HDAC7: variants seen among roughly 807,000 people sequenced by gnomAD.
HDAC7 encodes the protein histone deacetylase 7, also known as histone deacetylase 7A.
Under a neutral mutation model 115.5 loss-of-function variants are expected in HDAC7, and 26 were observed. The ratio of observed to expected loss-of-function variants is 0.23; its 90% CI spans 0.16 to 0.31. The LOEUF (loss-of-function observed/expected upper bound fraction) is 0.31, where lower values mean the gene tolerates loss of function less well. Ranked by LOEUF, HDAC7 falls within the 10% of genes least tolerant of loss-of-function variation. The probability of loss-of-function intolerance (pLI) is 1.00; values close to 1 mark genes in which losing one functional copy is unlikely to be tolerated. For synonymous variants in HDAC7, 564 were observed against 550.9 expected, an observed-to-expected ratio of 1.02 and a Z score of -0.33; for missense variants, 1,068 against 1,329.0, an observed-to-expected ratio of 0.80 and a Z score of 3.05.
Position 47,785,891 on chromosome 12 carries a change from G to A in HDAC7, c.2573-6C>T. 6.3e-7 allele frequency: 1 copy of A among 1,584,160 alleles called. No individual in the cohort carries two copies. The highest frequency in any genetic ancestry group is 8.6e-7 in the Non-Finnish European group (1 of 1,161,084). On this transcript the variant is annotated splice_region_variant and splice_polypyrimidine_tract_variant and intron_variant, in intron 22 of 25. Transcript: ENST00000080059. ...CTGCGTCATGTATCCAAAACCTAGA[G>A]GTTGGGAGGGGAGAAATGGGAGGGG...
In HDAC7 at chr12:47,798,797, C is replaced by A; in HGVS notation, c.246G>T (p.Val82=). Residue 82 remains valine, a synonymous_variant, in exon 3 of 26, where the codon GTG becomes GTT. Coordinates refer to ENST00000080059, the MANE Select transcript of HDAC7 (RefSeq NM_015401.5). The surrounding 1 kb of genome is among the most constrained non-coding windows in gnomAD (Gnocchi z 4.3). ...GCTCCATCTTTACCCTCATGGGCTC[C>A]ACCGAGCGCTGCTGCTGCAGGCCTG... The part of the protein sequence containing the change: ...FLAGLQQQRS[V]EPMRLSMDTP... 6.4e-7 allele frequency: 1 copy of A among 1,556,820 alleles called. No individual in the cohort carries two copies.
At chr12:47,811,217 G>A (rs563879948) in intron 1 of HDAC7, among the ~76,000 whole-genome samples, 2 of 152,336 alleles carry the variant, frequency 1.3e-5, no homozygotes, top group Non-Finnish European at 2.9e-5. Context: ...TTGGAAGACA[G>A]CAGAAGTCTA....
At chr12:47,820,161 C>T (rs1047672749), upstream of HDAC7, among the ~76,000 whole-genome samples, 7 of 151,328 alleles carry the variant, frequency 4.6e-5, no homozygotes, top group South Asian at 4.1e-4. This position sits in a 1 kb window ranked among gnomAD's most constrained non-coding sequence, Gnocchi z 4.3. Context: ...CCCGGAACGC[C>T]GGCCGCGGCT....
In HDAC7 at chr12:47,793,349, C is replaced by A; in HGVS notation, c.1678+20G>T. The A allele has an allele frequency of 1.4e-6, 2 of 1,467,624 alleles. No individual in the cohort carries two copies. Among genetic ancestry groups the A allele is most frequent in the South Asian group, 2.6e-5 (2 of 76,672 alleles). The allele number at this position is 1,467,624 out of a possible 1,614,324, so 90.9% of individuals were successfully genotyped here. On this transcript the variant is annotated intron_variant, in intron 13 of 25. Transcript: ENST00000080059. This position sits in a 1 kb window ranked among gnomAD's most constrained non-coding sequence, Gnocchi z 4.5. The stretch of plus-strand genomic sequence containing the variant: ...CAGCCGAGCCCCTCCCTCCACCCGC[C>A]ACCCTCCTCCCGGTCTCACCTGTGG...
At chr12:47,786,049 C>T (rs1943158618) in intron 22 of HDAC7, 164 bp from the exon 23 acceptor site, 1 of 729,730 alleles carries the variant, frequency 1.4e-6, no homozygotes. Context: ...ACAAAACCTA[C>T]TAGTATGCTT....
chr12:47,791,634 C>T lies in HDAC7; in HGVS notation c.1885G>A (p.Gly629Ser), dbSNP rs751351878. ...VHSERHVLLY[G>S]TNPLSRLKLD... ...TTGAGGCGGCTGAGCGGGTTGGTGC[C>T]GTAGAGGAGCACGTGCCGCTCAGAG... Residue 629 changes from glycine to serine, a missense_variant, in exon 15 of 26, where the codon GGC becomes AGC. Physicochemically the swap from Gly to Ser is moderately conservative, Grantham distance 56. Transcript: ENST00000080059. 25 of 1,612,008 alleles carry T rather than the reference C, an allele frequency of 1.6e-5. No homozygotes were observed. Among genetic ancestry groups the T allele is most frequent in the East Asian group, 4.5e-5 (2 of 44,832 alleles).
rs141216829 is a variant in HDAC7 at position 47,793,939 on chromosome 12, T to C, written c.1459-351A>G. 1.8e-4 allele frequency among the ~76,000 whole-genome samples: 27 copies of C among 152,332 alleles called. No homozygotes were observed. In the East Asian group the frequency reaches 4.2e-3, roughly 24 times the overall value. On this transcript the variant is annotated intron_variant, in intron 12 of 25. Transcript: ENST00000080059. This position sits in a 1 kb window ranked among gnomAD's most constrained non-coding sequence, Gnocchi z 4.5. ...AGAACATGTGTGTGGCCTGTCATCA[T>C]GTGTTATGGAGTAAATTATGTTCCC...
rs999265343 is a variant in HDAC7 at position 47,789,270 on chromosome 12, A to G, written c.2226T>C (p.Ile742=). The part of the protein sequence containing the change: ...QQQSKASKIL[I]VDWDVHHGNG... ...ACGGACAGGCACCTACCCAGTCTAC[A>G]ATGAGGATCTTGCTGGCCTTGCTCT... Residue 742 remains isoleucine, a synonymous_variant, in exon 19 of 26, where the codon ATT becomes ATC. Transcript: ENST00000080059. The G allele has an allele frequency of 6.2e-7, 1 of 1,613,870 alleles. No homozygotes were observed. The highest frequency in any genetic ancestry group is 2.2e-5 in the East Asian group (1 of 44,878).
intron 1 of HDAC7, among the ~76,000 whole-genome samples, chr12:47,805,279 G>C (rs535281031): frequency 5.4e-4 from 81 of 150,732 alleles, no homozygotes; most frequent in African/African-American, 1.9e-3. Context: ...TTGTAGAGAC[G>C]AAGTCTTCCC....
In HDAC7 at chr12:47,803,397, TC is replaced by T. The variant is rs1173705901; in HGVS notation, c.20-1124del. Among the ~76,000 whole-genome samples, 2 of 152,092 alleles carry T rather than the reference TC, an allele frequency of 1.3e-5. No individual in the cohort carries two copies. The highest frequency in any genetic ancestry group is 2.9e-5 in the Non-Finnish European group (2 of 68,018). ...TCTTCAGAGCCGAGAAATGAGAACTTCCTGCAGGCAGGCGCTGCTGGGGGAG... is the reference window on the plus strand; with the variant it reads ...TCTTCAGAGCCGAGAAATGAGAACTTCTGCAGGCAGGCGCTGCTGGGGGAG... On this transcript the variant is annotated intron_variant, in intron 1 of 25. Coordinates refer to ENST00000080059, the MANE Select transcript of HDAC7 (RefSeq NM_015401.5). The surrounding 1 kb of genome is among the most constrained non-coding windows in gnomAD (Gnocchi z 4.0).
chr12:47,796,870 C>G (rs1943878499), intron 7 of HDAC7, 147 bp downstream of exon 7: 1 of 849,822 alleles, frequency 1.2e-6, no homozygotes, highest in Non-Finnish European at 1.7e-6. Context: ...CCCAACTCCC[C>G]CGCTTCGGCA....
intron 25 of HDAC7, 84 bp from the exon 26 acceptor site, chr12:47,783,970 G>C: frequency 6.2e-7 from 1 of 1,605,250 alleles, no homozygotes; most frequent in East Asian, 2.2e-5. Flanking sequence ...ACCCTGGTCA[G>C]GAAGCCTGGG....
In HDAC7 at chr12:47,793,343, A is replaced by AC; in HGVS notation, c.1678+25dup. 4 of 693,382 alleles carry AC rather than the reference A, an allele frequency of 5.8e-6. No individual in the cohort carries two copies. Among genetic ancestry groups the AC allele is most frequent in the Non-Finnish European group, 8.9e-6 (4 of 448,744 alleles). The allele number at this position is 693,382 out of a possible 1,614,324, so 43.0% of individuals were successfully genotyped here. A position where few individuals can be genotyped will look rare whatever the true frequency, so the allele number is the denominator to read the frequency against. On this transcript the variant is annotated intron_variant, in intron 13 of 25. Coordinates refer to ENST00000080059, the MANE Select transcript of HDAC7 (RefSeq NM_015401.5). This position sits in a 1 kb window ranked among gnomAD's most constrained non-coding sequence, Gnocchi z 4.5. ...CTCGTGCAGCCGAGCCCCTCCCTCC[A>AC]CCCGCCACCCTCCTCCCGGTCTCAC... is the stretch of plus-strand genomic sequence containing the variant.
In HDAC7 at chr12:47,793,496, G is replaced by C; in HGVS notation, c.1551C>G (p.His517Gln). Residue 517 changes from histidine (H) to glutamine (Q), a missense_variant, in exon 13 of 26, where the codon CAC becomes CAG. Physicochemically the swap from His to Gln is conservative, Grantham distance 24. Around this residue, in one of 6 missense-constraint regions of HDAC7, gnomAD observed 618 missense variants for 701.5 expected, o/e 0.88. Coordinates refer to ENST00000080059, the MANE Select transcript of HDAC7 (RefSeq NM_015401.5). The surrounding 1 kb of genome is among the most constrained non-coding windows in gnomAD (Gnocchi z 4.5). ...TVLLPLAQGG[H>Q]RPLSRAQSSP... The stretch of plus-strand genomic sequence containing the variant: ...AAGACTGAGCCCGGGACAGAGGCCG[G>C]TGCCCACCCTGGGCCAGAGGAAGCA... 1 of 1,549,956 alleles carries C rather than the reference G, an allele frequency of 6.5e-7. No individual in the cohort carries two copies. The highest frequency in any genetic ancestry group is 8.7e-7 in the Non-Finnish European group (1 of 1,147,362).
At chr12:47,792,790 A>C (rs1268225431) in intron 13 of HDAC7, 1 of 412,628 alleles carries the variant, frequency 2.4e-6, no homozygotes, top group African/African-American at 2.1e-5. Flanking sequence ...TTAATGAAAT[A>C]CTATGAGACT....
chr12:47,789,676 G>A, intron 17 of HDAC7, 98 bp from the exon 18 acceptor site: 1 of 1,465,746 alleles, frequency 6.8e-7, no homozygotes, highest in Admixed American at 1.7e-5. Context: ...GGTTCCCAGA[G>A]CCCTCAATTT....
rs538437835 is a variant in HDAC7, at chr12:47,814,939, T to C, written c.19+4828A>G. ...AGGGCTTATCACAGTGTGTAACTAG[T>C]CACACATACTCATTCCTTTACTTGC... On this transcript the variant is annotated intron_variant, in intron 1 of 25. Transcript: ENST00000080059. Among the ~76,000 whole-genome samples the C allele has an allele frequency of 5.3e-5, 8 of 152,372 alleles. No homozygotes were observed. In the South Asian group the frequency reaches 1.7e-3, roughly 32 times the overall value.
chr12:47,801,682 C>T (rs1228758367), intron 2 of HDAC7, among the ~76,000 whole-genome samples: 1 of 152,192 alleles, frequency 6.6e-6, no homozygotes, highest in African/African-American at 2.4e-5. Context: ...CTAGTCCAGA[C>T]CTGGCCCCAT....
At chr12:47,794,463 C>G (rs998637239) in intron 12 of HDAC7, among the ~76,000 whole-genome samples, 7 of 152,186 alleles carry the variant, frequency 4.6e-5, no homozygotes, top group Non-Finnish European at 8.8e-5. Context: ...GGGAGACATA[C>G]CAGGGCAGGA....
Sources: allele counts gnomAD v4.1 joint callset (sites outside exome capture counted in the v4.1 genomes callset), GRCh38; gene constraint gnomAD v4.1.1; regional missense constraint gnomAD v4.1.1; non-coding constraint Gnocchi (gnomAD v3.1); transcripts MANE v1.5; gene names NCBI Gene and HGNC (gene_info 2026-07-23, HGNC 2026-07-21).